The following KCNQ1OT1 variants were observed in gnomAD, a reference collection of about 807,000 sequenced individuals.
KCNQ1OT1 encodes the protein KCNQ1 opposite strand/antisense transcript 1.
exon 1 of KCNQ1OT1, chr11:2,667,709 T>G: frequency 2.5e-6 from 1 of 398,756 alleles, no homozygotes. Flanking sequence ...TCAGGAAGTC[T>G]GGAAGCCGTG....
In KCNQ1OT1 at chr11:2,621,830, T is replaced by C. The variant is rs1849177166; in HGVS notation, n.78165A>G. On this transcript the variant is annotated non_coding_transcript_exon_variant, in exon 1 of 1. Transcript: ENST00000597346. This position sits in a 1 kb window ranked among gnomAD's most constrained non-coding sequence, Gnocchi z 5.7. ...TTCTTTGTTTCAAAAATTGAAGTCTTAGTTTTACTGACTTTTTTCCCCTAT... is the reference window on the plus strand; with the variant it reads ...TTCTTTGTTTCAAAAATTGAAGTCTCAGTTTTACTGACTTTTTTCCCCTAT... 2 of 398,366 alleles carry C rather than the reference T, an allele frequency of 5.0e-6. No homozygotes were observed. The highest frequency in any genetic ancestry group is 4.4e-5 in the Admixed American group (1 of 22,732). The allele number at this position is 398,366 out of a possible 1,614,324, so 24.7% of individuals were successfully genotyped here.
chr11:2,662,549 G>A, exon 1 of KCNQ1OT1: 3 of 427,230 alleles, frequency 7.0e-6, no homozygotes, highest in Non-Finnish European at 1.2e-5. Flanking sequence ...CCTTCCAGTT[G>A]GCCTTCCCCT....
In KCNQ1OT1 at chr11:2,669,373, T is replaced by C. The variant is rs890691242; in HGVS notation, n.30622A>G. 2.3e-5 allele frequency: 9 copies of C among 398,530 alleles called. No individual in the cohort carries two copies. Among genetic ancestry groups the C allele is most frequent in the Middle Eastern group, 6.2e-4 (1 of 1,610 alleles). The allele number at this position is 398,530 out of a possible 1,614,324, so 24.7% of individuals were successfully genotyped here. A position where few individuals can be genotyped will look rare whatever the true frequency, so the allele number is the denominator to read the frequency against. On this transcript the variant is annotated non_coding_transcript_exon_variant, in exon 1 of 1. Transcript: ENST00000597346. This position sits in a 1 kb window ranked among gnomAD's most constrained non-coding sequence, Gnocchi z 5.6. ...GGGCATGGGAGAATGGGTATCCTTA[T>C]AGTTTTGGGGCTCCTGAAACATGGC...
chr11:2,618,281 C>T, exon 1 of KCNQ1OT1: 1 of 398,500 alleles, frequency 2.5e-6, no homozygotes, highest in Non-Finnish European at 4.4e-6. Flanking sequence ...ACATAAAATA[C>T]ACTAACAATA....
chr11:2,665,840 G>A (rs546841805), exon 1 of KCNQ1OT1: 9 of 398,650 alleles, frequency 2.3e-5, no homozygotes, highest in African/African-American at 4.1e-5. Flanking sequence ...GAGGCACAGG[G>A]CTAGGGGCCT....
chr11:2,662,113 C>G, exon 1 of KCNQ1OT1: 1 of 1,613,638 alleles, frequency 6.2e-7, no homozygotes, highest in Non-Finnish European at 8.5e-7. Flanking sequence ...AAGGGCTGGG[C>G]TGGAGGGGAC....
rs2412059 is a variant in KCNQ1OT1 at position 2,611,011 on chromosome 11, G to A, written n.88984C>T. On this transcript the variant is annotated non_coding_transcript_exon_variant, in exon 1 of 1. Transcript: ENST00000597346. This position sits in a 1 kb window ranked among gnomAD's most constrained non-coding sequence, Gnocchi z 5.3. The stretch of plus-strand genomic sequence containing the variant: ...TTGTTGAGTTGTCTATTATTGTTCA[G>A]TTGTCTGTTTCTCTCTTCATTTCTG... 0.61 allele frequency: 242,646 copies of A among 398,014 alleles called. 76,203 individuals carry two copies. Among genetic ancestry groups the A allele is most frequent in the East Asian group, 0.86 (24,073 of 28,034 alleles). 24.7% of individuals were successfully genotyped at this position (398,014 alleles called of 1,614,324 possible).
chr11:2,616,191 C>T (rs1259224524), exon 1 of KCNQ1OT1: 3 of 396,550 alleles, frequency 7.6e-6, no homozygotes, highest in Admixed American at 4.4e-5. Context: ...TCAGTTATAT[C>T]GTTCCCACTT....
exon 1 of KCNQ1OT1, chr11:2,688,568 A>C: frequency 2.5e-6 from 1 of 398,704 alleles, no homozygotes; most frequent in Non-Finnish European, 4.4e-6. Flanking sequence ...CCACAGCCTC[A>C]TAGCAGCCAG....
chr11:2,649,274 A>T (rs561127677), exon 1 of KCNQ1OT1: 2 of 398,178 alleles, frequency 5.0e-6, no homozygotes, highest in Non-Finnish European at 4.4e-6. Context: ...ACTGATTTGT[A>T]TACTTTTGTT....
In KCNQ1OT1 at chr11:2,626,495, A is replaced by G; in HGVS notation, n.73500T>C. On this transcript the variant is annotated non_coding_transcript_exon_variant, in exon 1 of 1. Transcript: ENST00000597346. This position sits in a 1 kb window ranked among gnomAD's most constrained non-coding sequence, Gnocchi z 4.0. ...GTCTCTACATCTTTATGTCAATACCACATAGTTTTGATTACTGTAGCTTCG... is the reference window on the plus strand; with the variant it reads ...GTCTCTACATCTTTATGTCAATACCGCATAGTTTTGATTACTGTAGCTTCG... 5.0e-6 allele frequency: 2 copies of G among 398,568 alleles called. No homozygotes were observed. Among genetic ancestry groups the G allele is most frequent in the East Asian group, 7.1e-5 (2 of 28,068 alleles). The allele number at this position is 398,568 out of a possible 1,614,324, so 24.7% of individuals were successfully genotyped here.
exon 1 of KCNQ1OT1, chr11:2,643,870 A>G (rs1849619546): frequency 5.0e-6 from 2 of 398,470 alleles, no homozygotes. Context: ...TAAGTACAGT[A>G]TTCCTGGCTG....
Position 2,669,365 on chromosome 11 carries a change from T to A in KCNQ1OT1, n.30630A>T. On this transcript the variant is annotated non_coding_transcript_exon_variant, in exon 1 of 1. Transcript: ENST00000597346. The surrounding 1 kb of genome is among the most constrained non-coding windows in gnomAD (Gnocchi z 5.6). ...CTCTAGATGGGCATGGGAGAATGGGTATCCTTATAGTTTTGGGGCTCCTGA... is the reference window on the plus strand; with the variant it reads ...CTCTAGATGGGCATGGGAGAATGGGAATCCTTATAGTTTTGGGGCTCCTGA... 2.5e-6 allele frequency: 1 copy of A among 398,636 alleles called. No individual in the cohort carries two copies. The highest frequency in any genetic ancestry group is 4.4e-6 in the Non-Finnish European group (1 of 226,074). The allele number at this position is 398,636 out of a possible 1,614,324, so 24.7% of individuals were successfully genotyped here.
At position 2,626,517 on chromosome 11, in the gene KCNQ1OT1, T is replaced by G; in HGVS notation, n.73478A>C. ...ACCACATAGTTTTGATTACTGTAGCTTCGTAATAAGTTGGGGTTTTTGTTT... is the reference window on the plus strand; with the variant it reads ...ACCACATAGTTTTGATTACTGTAGCGTCGTAATAAGTTGGGGTTTTTGTTT... On this transcript the variant is annotated non_coding_transcript_exon_variant, in exon 1 of 1. Coordinates refer to ENST00000597346, the Ensembl canonical transcript of KCNQ1OT1. The surrounding 1 kb of genome is among the most constrained non-coding windows in gnomAD (Gnocchi z 4.0). The G allele has an allele frequency of 2.5e-6, 1 of 398,642 alleles. No individual in the cohort carries two copies. Among genetic ancestry groups the G allele is most frequent in the East Asian group, 3.6e-5 (1 of 28,076 alleles). 24.7% of individuals were successfully genotyped at this position (398,642 alleles called of 1,614,324 possible).
In KCNQ1OT1 at chr11:2,627,033, A is replaced by G; in HGVS notation, n.72962T>C. On this transcript the variant is annotated non_coding_transcript_exon_variant, in exon 1 of 1. Coordinates refer to ENST00000597346, the Ensembl canonical transcript of KCNQ1OT1. This position sits in a 1 kb window ranked among gnomAD's most constrained non-coding sequence, Gnocchi z 4.9. ...TGTGTGGTACTGACACCTTAACAAT[A>G]TTGGCCTTCCAATCCATGAACATAG... 1 of 398,584 alleles carries G rather than the reference A, an allele frequency of 2.5e-6. No individual in the cohort carries two copies. Among genetic ancestry groups the G allele is most frequent in the Non-Finnish European group, 4.4e-6 (1 of 226,064 alleles). The allele number at this position is 398,584 out of a possible 1,614,324, so 24.7% of individuals were successfully genotyped here.
At position 2,662,815 on chromosome 11, in the gene KCNQ1OT1, C is replaced by T. The variant is rs562420571; in HGVS notation, n.37180G>A. 2.4e-3 allele frequency: 975 copies of T among 398,896 alleles called. 3 individuals carry two copies. The highest frequency in any genetic ancestry group is 3.4e-3 in the Non-Finnish European group (762 of 226,274). 24.7% of individuals were successfully genotyped at this position (398,896 alleles called of 1,614,324 possible). A position where few individuals can be genotyped will look rare whatever the true frequency, so the allele number is the denominator to read the frequency against. ...TGTGTCAAGATCTGTGAGTGACACT[C>T]GCGGCCCTTCTGAGGGTCACTTGTG... On this transcript the variant is annotated non_coding_transcript_exon_variant, in exon 1 of 1. Coordinates refer to ENST00000597346, the Ensembl canonical transcript of KCNQ1OT1.
At chr11:2,629,634 C>T (rs768411304) in exon 1 of KCNQ1OT1, 8 of 398,262 alleles carry the variant, frequency 2.0e-5, no homozygotes, top group African/African-American at 6.2e-5. Flanking sequence ...AGAAATCATG[C>T]GTTCATATAT....
rs1376833426 is a variant in KCNQ1OT1 at position 2,612,722 on chromosome 11, T to C, written n.87273A>G. 2.5e-6 allele frequency: 1 copy of C among 398,504 alleles called. No individual in the cohort carries two copies. Among genetic ancestry groups the C allele is most frequent in the Non-Finnish European group, 4.4e-6 (1 of 226,072 alleles). 24.7% of individuals were successfully genotyped at this position (398,504 alleles called of 1,614,324 possible). The stretch of plus-strand genomic sequence containing the variant: ...CTTACTTTGAAATCGCGCCCTAACA[T>C]TTGGGGCCCTTCAGAGATAATTCCT... On this transcript the variant is annotated non_coding_transcript_exon_variant, in exon 1 of 1. Transcript: ENST00000597346. The surrounding 1 kb of genome is among the most constrained non-coding windows in gnomAD (Gnocchi z 5.5).
exon 1 of KCNQ1OT1, chr11:2,628,166 T>C: frequency 2.5e-6 from 1 of 398,646 alleles, no homozygotes; most frequent in Non-Finnish European, 4.4e-6. Context: ...CTGAGACTGC[T>C]GGATCATATA....
Sources: gnomAD v4.1 joint callset for allele counts on GRCh38, gnomAD v4.1.1 for gene constraint, Gnocchi (gnomAD v3.1) non-coding constraint, MANE v1.5 for transcripts, NCBI Gene and HGNC (gene_info 2026-07-23, HGNC 2026-07-21) for gene names.